The following ASPH variants were observed in gnomAD, a reference collection of about 807,000 sequenced individuals.
The protein encoded by ASPH is aspartate beta-hydroxylase.
ASPH carries 100 observed loss-of-function variants against 118.4 expected under a neutral mutation model. The observed-to-expected ratio is 0.84, with a 90% CI of 0.72 to 1.00. ASPH has a LOEUF of 1.00. Among genes scored for constraint, ASPH ranks in the 50% least tolerant of loss-of-function variants. The pLI, the probability that ASPH is intolerant of heterozygous loss-of-function variation, is 0.00. For synonymous variants in ASPH, 315 were observed against 325.6 expected (o/e 0.97, Z 0.35); for missense variants, 920 against 919.5 (o/e 1.00, Z -0.01).
At chr8:61,694,002 G>T (rs1468707210) in intron 1 of ASPH, among the ~76,000 whole-genome samples, 4 of 152,116 alleles carry the variant, frequency 2.6e-5, no homozygotes, top group African/African-American at 9.7e-5. Flanking sequence ...AGCCTCAGCT[G>T]GGCCTCGGTG....
chr8:61,534,421 G>A (rs1396759448), intron 21 of ASPH, among the ~76,000 whole-genome samples: 7 of 152,034 alleles, frequency 4.6e-5, no homozygotes, highest in Admixed American at 3.3e-4. Context: ...TCGTTTTTAA[G>A]AGATCATCAA....
chr8:61,637,933 T>C lies in ASPH; in HGVS notation c.889+14A>G, dbSNP rs1858601691. The C allele has an allele frequency of 1.2e-6, 2 of 1,603,252 alleles. No individual in the cohort carries two copies. The highest frequency in any genetic ancestry group is 1.7e-6 in the Non-Finnish European group (2 of 1,174,652). ...CATATGGAAGGTAAAACCACTTCCA[T>C]AAATTTATCTTACCTTCTACAATTA... On this transcript the variant is annotated intron_variant, in intron 12 of 24. Transcript: ENST00000379454.
At chr8:61,672,752 A>G (rs755718889) in intron 3 of ASPH, among the ~76,000 whole-genome samples, 14 of 152,216 alleles carry the variant, frequency 9.2e-5, no homozygotes, top group Non-Finnish European at 1.3e-4. Context: ...ACAAATAACA[A>G]AGGCAGTGAA....
chr8:61,692,964 A>G (rs1186798872), intron 1 of ASPH, among the ~76,000 whole-genome samples: 1 of 152,054 alleles, frequency 6.6e-6, no homozygotes, highest in Non-Finnish European at 1.5e-5. Context: ...AAAAAAGAAA[A>G]AAAGAAAACG....
chr8:61,576,788 C>T lies in ASPH; in HGVS notation c.1133G>A (p.Arg378Lys). ...TCAGAATACCTGCGCCTTCCCATATCTTGCTCGTGGACTCTGAGGGTATTT... is the reference window on the plus strand; with the variant it reads ...TCAGAATACCTGCGCCTTCCCATATTTTGCTCGTGGACTCTGAGGGTATTT... ...VRKYPQSPRA[R>K]YGKAQCEDDL... is the part of the protein sequence containing the mutation. The change falls in exon 16 of 25, where the codon AGA (arginine) becomes AAA (lysine). Residue 378 changes from arginine to lysine, a missense_variant. Coordinates refer to ENST00000379454, the MANE Select transcript of ASPH (RefSeq NM_004318.4). 1.2e-6 allele frequency: 2 copies of T among 1,609,348 alleles called. No individual in the cohort carries two copies. The highest frequency in any genetic ancestry group is 1.7e-6 in the Non-Finnish European group (2 of 1,177,196).
chr8:61,552,275 C>T (rs1586944978), intron 20 of ASPH, among the ~76,000 whole-genome samples: 2 of 152,158 alleles, frequency 1.3e-5, no homozygotes, highest in African/African-American at 4.8e-5. Flanking sequence ...CTGCATAAAT[C>T]GTAAATCATG....
At chr8:61,711,623 C>A (rs1838078851) in intron 1 of ASPH, among the ~76,000 whole-genome samples, 1 of 150,592 alleles carries the variant, frequency 6.6e-6, no homozygotes, top group African/African-American at 2.4e-5. Flanking sequence ...CACTTTTCAG[C>A]AAAAAAACCA....
At chr8:61,693,155 T>C (rs888298455) in intron 1 of ASPH, among the ~76,000 whole-genome samples, 1 of 152,168 alleles carries the variant, frequency 6.6e-6, no homozygotes, top group East Asian at 1.9e-4. Context: ...GATTTCAATG[T>C]CTATCCCTGT....
chr8:61,675,539 T>C, intron 3 of ASPH: 2 of 980,522 alleles, frequency 2.0e-6, no homozygotes, highest in Non-Finnish European at 2.4e-6. Flanking sequence ...TGTATGAACC[T>C]ATCTGACAAA....
chr8:61,559,387 G>T (rs1403157623), intron 18 of ASPH, among the ~76,000 whole-genome samples: 1 of 152,162 alleles, frequency 6.6e-6, no homozygotes, highest in African/African-American at 2.4e-5. Flanking sequence ...TGCCCAGGAG[G>T]TTAGCATCCC....
chr8:61,614,642 G>GT (rs1848464518), intron 14 of ASPH, among the ~76,000 whole-genome samples: 1 of 151,978 alleles, frequency 6.6e-6, no homozygotes, highest in African/African-American at 2.4e-5. Flanking sequence ...TACGTGTTGG[G>GT]TTTTTGTTGT....
At chr8:61,570,344 G>A (rs889994507) in intron 16 of ASPH, among the ~76,000 whole-genome samples, 13 of 152,146 alleles carry the variant, frequency 8.5e-5, no homozygotes, top group African/African-American at 3.1e-4. Context: ...ATTGTAAATT[G>A]TAAACCATCT....
At chr8:61,697,375 A>T (rs1834165353) in intron 1 of ASPH, among the ~76,000 whole-genome samples, 1 of 152,202 alleles carries the variant, frequency 6.6e-6, no homozygotes, top group African/African-American at 2.4e-5. Flanking sequence ...ACCAGCAAGT[A>T]AGCAATCAAT....
intron 13 of ASPH, chr8:61,624,136 A>G (rs1361638485): frequency 1.3e-6 from 1 of 753,730 alleles, no homozygotes; most frequent in Admixed American, 6.3e-5. Flanking sequence ...TACTATAGCC[A>G]ACAATAATTT....
chr8:61,709,868 C>T (rs1207304993), intron 1 of ASPH, among the ~76,000 whole-genome samples: 1 of 152,180 alleles, frequency 6.6e-6, no homozygotes, highest in African/African-American at 2.4e-5. Flanking sequence ...CAAATGGATA[C>T]TTACACCTCC....
chr8:61,576,968 C>A, intron 15 of ASPH, 110 bp from the exon 16 acceptor site: 1 of 901,216 alleles, frequency 1.1e-6, no homozygotes, highest in Non-Finnish European at 1.6e-6. Flanking sequence ...TAGATTCCAT[C>A]CTGAGTGTAA....
At chr8:61,561,338 C>T (rs1320235318) in intron 18 of ASPH, among the ~76,000 whole-genome samples, 1 of 152,172 alleles carries the variant, frequency 6.6e-6, no homozygotes, top group Non-Finnish European at 1.5e-5. Context: ...CAATGTTCCA[C>T]ATGGAATTAA....
chr8:61,579,781 G>C, intron 15 of ASPH: 1 of 766,236 alleles, frequency 1.3e-6, no homozygotes, highest in Non-Finnish European at 2.3e-6. Flanking sequence ...CTGAGGCTCA[G>C]CCCTAGCCCT....
At chr8:61,626,174 C>T (rs1036309998) in intron 13 of ASPH, 5 of 1,304,650 alleles carry the variant, frequency 3.8e-6, no homozygotes, top group Non-Finnish European at 4.9e-6. Flanking sequence ...AGATCTTGAT[C>T]TGCTCAGTAA....
Sources: allele counts gnomAD v4.1 joint callset (sites outside exome capture counted in the v4.1 genomes callset), GRCh38; gene constraint gnomAD v4.1.1; transcripts MANE v1.5; gene names NCBI Gene and HGNC (gene_info 2026-07-23, HGNC 2026-07-21).